SRGAP2: variants seen among roughly 807,000 people sequenced by gnomAD.
The protein encoded by SRGAP2 is SLIT-ROBO Rho GTPase activating protein 2.
A neutral mutation model predicts 57.2 loss-of-function variants in SRGAP2; 15 were observed. The observed-to-expected ratio is 0.26, with a 90% CI of 0.18 to 0.40. The LOEUF is 0.40. Ranked by LOEUF, SRGAP2 falls within the 10% of genes least tolerant of loss-of-function variation. SRGAP2 has a pLI of 1.00. For synonymous variants in SRGAP2, 249 were observed against 248.0 expected (o/e 1.00, Z -0.04); for missense variants, 520 against 669.6 (o/e 0.78, Z 2.47).
intron 10 of SRGAP2, among the ~76,000 whole-genome samples, chr1:206,412,875 G>A (rs1428317572): frequency 6.6e-6 from 1 of 152,192 alleles, no homozygotes; most frequent in African/African-American, 2.4e-5. Context: ...ACTCTGAGAT[G>A]CCTTTACCTT....
At chr1:206,252,994 AT>A (rs1162300705) in intron 2 of SRGAP2, among the ~76,000 whole-genome samples, 1 of 139,984 alleles carries the variant, frequency 7.1e-6, no homozygotes, top group African/African-American at 2.8e-5. Context: ...TGCTGTTTAG[AT>A]GGGTTGTTCT....
intron 2 of SRGAP2, chr1:206,296,796 G>A (rs1305232065): frequency 1.3e-5 from 2 of 151,774 alleles, no homozygotes; most frequent in Admixed American, 1.3e-4. Context: ...CACTCTTTGA[G>A]GAAGAATATT....
chr1:206,457,496 A>C (rs1553378852), intron 21 of SRGAP2, among the ~76,000 whole-genome samples: 2 of 152,160 alleles, frequency 1.3e-5, no homozygotes. Context: ...GTGCCAGGGA[A>C]ATCCTTGCAG....
chr1:206,394,383 G>A (rs1657360793), intron 7 of SRGAP2, among the ~76,000 whole-genome samples: 1 of 152,130 alleles, frequency 6.6e-6, no homozygotes, highest in African/African-American at 2.4e-5. Context: ...TATTACATCA[G>A]CTTCTCTTGC....
chr1:206,247,918 T>TTTCCTATAC (rs1668595258), intron 2 of SRGAP2, among the ~76,000 whole-genome samples: 2 of 134,320 alleles, frequency 1.5e-5, no homozygotes, highest in Admixed American at 8.1e-5. Context: ...ATGTACCTTT[T>TTTCCTATAC]TTCCTATACT....
chr1:206,412,694 A>G (rs1303770351), intron 10 of SRGAP2, among the ~76,000 whole-genome samples: 2 of 151,104 alleles, frequency 1.3e-5, no homozygotes, highest in African/African-American at 4.9e-5. Context: ...TGCATTCTTC[A>G]GCGGTCTCAG....
At chr1:206,385,678 A>T (rs1553348247) in intron 5 of SRGAP2, among the ~76,000 whole-genome samples, 2 of 151,738 alleles carry the variant, frequency 1.3e-5, no homozygotes, top group Non-Finnish European at 2.9e-5. Context: ...AAAATAAGTG[A>T]AAGGGCGTAA....
chr1:206,306,553 G>A (rs1294584812), intron 3 of SRGAP2, among the ~76,000 whole-genome samples: 4 of 152,052 alleles, frequency 2.6e-5, no homozygotes, highest in African/African-American at 4.8e-5. Flanking sequence ...AAGGGGACCC[G>A]AGCGGGTTGC....
intron 13 of SRGAP2, among the ~76,000 whole-genome samples, chr1:206,424,637 A>AAG (rs1361253542): frequency 6.6e-6 from 1 of 152,226 alleles, no homozygotes; most frequent in Non-Finnish European, 1.5e-5. Context: ...CCTGGGTGAC[A>AAG]AGAGAGAGAC....
At chr1:206,353,099 A>G (rs1203005097) in intron 4 of SRGAP2, among the ~76,000 whole-genome samples, 21 of 152,126 alleles carry the variant, frequency 1.4e-4, no homozygotes, top group African/African-American at 4.8e-4. Flanking sequence ...TTGGTTAAAT[A>G]TAATATCCAG....
At position 206,454,211 on chromosome 1, in the gene SRGAP2, C is replaced by T; in HGVS notation, c.2361-667C>T. On this transcript the variant is annotated intron_variant, in intron 20 of 22. Coordinates refer to ENST00000573034, the MANE Select transcript of SRGAP2 (RefSeq NM_015326.5). The surrounding 1 kb of genome is among the most constrained non-coding windows in gnomAD (Gnocchi z 4.3). Reference sequence around the variant, plus strand: ...GGCTCGTTCTGCAGGGAAATCCTCCCTCTGTTGATAGCATCGCAAACCTGG... The same window carrying T: ...GGCTCGTTCTGCAGGGAAATCCTCCTTCTGTTGATAGCATCGCAAACCTGG... 1 of 702,418 alleles carries T rather than the reference C, an allele frequency of 1.4e-6. No individual in the cohort carries two copies. Among genetic ancestry groups the T allele is most frequent in the African/African-American group, 1.7e-5 (1 of 57,378 alleles). 43.5% of individuals were successfully genotyped at this position (702,418 alleles called of 1,614,324 possible).
chr1:206,412,203 AC>A (rs1473112260), intron 10 of SRGAP2, among the ~76,000 whole-genome samples: 2 of 152,254 alleles, frequency 1.3e-5, no homozygotes, highest in African/African-American at 4.8e-5. Context: ...TTTTCAATAA[AC>A]AAAACTCACT....
At chr1:206,204,913 C>G (rs1235844434) in intron 1 of SRGAP2, 1 of 137,022 alleles carries the variant, frequency 7.3e-6, no homozygotes, top group East Asian at 2.1e-4. Flanking sequence ...ATTTGCCCCC[C>G]CCCCCATCAA....
At chr1:206,381,212 T>C (rs1332908683) in intron 4 of SRGAP2, among the ~76,000 whole-genome samples, 1 of 152,192 alleles carries the variant, frequency 6.6e-6, no homozygotes, top group Admixed American at 6.5e-5. Context: ...TTCCCTCCCC[T>C]TCTTCCCCCA....
At chr1:206,425,151 G>C (rs1553365858) in intron 13 of SRGAP2, among the ~76,000 whole-genome samples, 1 of 152,120 alleles carries the variant, frequency 6.6e-6, no homozygotes, top group African/African-American at 2.4e-5. Context: ...CCTCTCTCTA[G>C]GTCATAATAT....
chr1:206,372,973 CTTTCTTTCTTTCTTTCTTT>C (rs1654775585), intron 4 of SRGAP2, among the ~76,000 whole-genome samples: 6 of 31,208 alleles, frequency 1.9e-4, no homozygotes, highest in African/African-American at 7.8e-4. Flanking sequence ...TCCTTTCTTT[CTTTCTTTCTTTCTTTCTTT>C]CTTTCTTTCT....
intron 2 of SRGAP2, among the ~76,000 whole-genome samples, chr1:206,228,630 T>C (rs1428689539): frequency 6.6e-6 from 1 of 151,018 alleles, no homozygotes; most frequent in Non-Finnish European, 1.5e-5. Context: ...ACCTGTGTCT[T>C]GACTAATGTT....
intron 4 of SRGAP2, among the ~76,000 whole-genome samples, chr1:206,361,456 TTG>T: frequency 6.6e-6 from 1 of 152,342 alleles, no homozygotes; most frequent in East Asian, 1.9e-4. Context: ...CTTGCCCACT[TTG>T]CCTCCTGGAG....
intron 2 of SRGAP2, among the ~76,000 whole-genome samples, chr1:206,222,661 T>G (rs1191784269): frequency 2.8e-5 from 4 of 145,180 alleles, no homozygotes; most frequent in Non-Finnish European, 6.0e-5. Context: ...ATTTTGGAGA[T>G]CCTGTCTCCA....
Sources: allele counts gnomAD v4.1 joint callset (sites outside exome capture counted in the v4.1 genomes callset), GRCh38; gene constraint gnomAD v4.1.1; non-coding constraint Gnocchi (gnomAD v3.1); transcripts MANE v1.5; gene names NCBI Gene and HGNC (gene_info 2026-07-23, HGNC 2026-07-21).